NKAIN4: variants seen among roughly 807,000 people sequenced by gnomAD.
NKAIN4 encodes sodium/potassium-transporting ATPase subunit beta-1-interacting protein 4.
In NKAIN4, 28 loss-of-function variants were observed where a neutral mutation model predicts 28.8. The observed-to-expected ratio is 0.97, with a 90% CI of 0.72 to 1.33. The LOEUF (loss-of-function observed/expected upper bound fraction) is 1.33. Among genes scored for constraint, NKAIN4 ranks in the 40% most tolerant of loss-of-function variants. The pLI, the probability that NKAIN4 is intolerant of heterozygous loss-of-function variation, is 0.00. For missense variants in NKAIN4, 289 were observed against 277.2 expected, an observed-to-expected ratio of 1.04 and a Z score of -0.30; for synonymous variants, 122 against 115.6, an observed-to-expected ratio of 1.06 and a Z score of -0.36.
chr20:63,243,732 T>C, intron 5 of NKAIN4: 1 of 289,908 alleles, frequency 3.4e-6, no homozygotes, highest in Non-Finnish European at 6.5e-6. Flanking sequence ...GCTCAGACCT[T>C]CCTCCCGTGG....
At chr20:63,247,459 G>A in intron 4 of NKAIN4, 119 bp downstream of exon 4, 1 of 1,546,666 alleles carries the variant, frequency 6.5e-7, no homozygotes, top group Non-Finnish European at 8.7e-7. Flanking sequence ...GGATGAGGAA[G>A]GCAGAGACAC....
upstream of NKAIN4, chr20:63,254,676 G>GC (rs2067020666): frequency 2.7e-6 from 1 of 368,366 alleles, no homozygotes. Context: ...CCGGAGAGGG[G>GC]GACCGTTCTT....
intron 4 of NKAIN4, chr20:63,244,403 A>G: frequency 3.9e-6 from 2 of 511,668 alleles, no homozygotes; most frequent in Non-Finnish European, 7.7e-6. Flanking sequence ...GTGAGGACAC[A>G]GAAGCCCAGG....
In NKAIN4 at chr20:63,252,204, G is replaced by A. The variant is rs929266715; in HGVS notation, c.55-2132C>T. On this transcript the variant is annotated intron_variant, in intron 1 of 6. Coordinates refer to ENST00000370316, the MANE Select transcript of NKAIN4 (RefSeq NM_152864.4). This position sits in a 1 kb window ranked among gnomAD's most constrained non-coding sequence, Gnocchi z 4.6. ...AGGGCTCCATGACATGTGGCGACAT[G>A]CATGAGCAGGGAGGCTCATGCCACC... 1.2e-4 allele frequency among the ~76,000 whole-genome samples: 18 copies of A among 152,188 alleles called. No homozygotes were observed. Among genetic ancestry groups the A allele is most frequent in the African/African-American group, 4.1e-4 (17 of 41,450 alleles).
At chr20:63,253,231 C>G (rs2066992068) in intron 1 of NKAIN4, 1 of 985,390 alleles carries the variant, frequency 1.0e-6, no homozygotes, top group Admixed American at 6.1e-5. Flanking sequence ...AAGATACCAA[C>G]TGTTCCAAGG....
At chr20:63,246,439 T>A (rs1280606314) in intron 4 of NKAIN4, 41 of 927,698 alleles carry the variant, frequency 4.4e-5, no homozygotes, top group Non-Finnish European at 5.0e-5. Flanking sequence ...GGCCCCTTGC[T>A]ATGGGGCAGC....
rs191461960 is a variant in NKAIN4 at position 63,245,259 on chromosome 20, G to A, written c.472-1175C>T. Among the ~76,000 whole-genome samples, 53 of 152,272 alleles carry A rather than the reference G, an allele frequency of 3.5e-4. No individual in the cohort carries two copies. The highest frequency in any genetic ancestry group is 1.5e-3 in the East Asian group (8 of 5,170). ...CAAGCTCAAGAAGCTGTCCCAAATG[G>A]CCATTTCTGGTTCCATGCCACGGCC... On this transcript the variant is annotated intron_variant, in intron 4 of 6. Coordinates refer to ENST00000370316, the MANE Select transcript of NKAIN4 (RefSeq NM_152864.4). This position sits in a 1 kb window ranked among gnomAD's most constrained non-coding sequence, Gnocchi z 4.7.
At chr20:63,241,874 T>C (rs1054843859) in intron 6 of NKAIN4, 9 of 404,196 alleles carry the variant, frequency 2.2e-5, no homozygotes, top group African/African-American at 1.9e-4. Context: ...GCTGGGCTCC[T>C]GCTACCTTGA....
At position 63,252,521 on chromosome 20, in the gene NKAIN4, T is replaced by C. The variant is rs1156485323; in HGVS notation, c.54+1876A>G. ...CTTCCTCCCGGGCCCCCTACCCCCA[T>C]GCAGTGACTAGAGCTGTGGTCAAGG... On this transcript the variant is annotated intron_variant, in intron 1 of 6. Transcript: ENST00000370316. This position sits in a 1 kb window ranked among gnomAD's most constrained non-coding sequence, Gnocchi z 4.6. Among the ~76,000 whole-genome samples the C allele has an allele frequency of 2.0e-5, 3 of 151,714 alleles. No homozygotes were observed. Among genetic ancestry groups the C allele is most frequent in the Non-Finnish European group, 2.9e-5 (2 of 67,920 alleles).
chr20:63,242,703 CA>C, intron 5 of NKAIN4, 80 bp from the exon 6 acceptor site: 3 of 941,618 alleles, frequency 3.2e-6, no homozygotes, highest in Non-Finnish European at 4.7e-6. Context: ...CCCAACCAGA[CA>C]AAGAAGCCCA....
intron 4 of NKAIN4, chr20:63,247,250 C>A (rs1161550942): frequency 7.9e-7 from 1 of 1,265,904 alleles, no homozygotes; most frequent in Non-Finnish European, 1.0e-6. Flanking sequence ...TGCCCCTCCT[C>A]CTTGGGGCCG....
rs140682227 is a variant in NKAIN4, at chr20:63,253,566, G to A, written c.54+831C>T. On this transcript the variant is annotated intron_variant, in intron 1 of 6. Transcript: ENST00000370316. ...CAAAGCATCGTTTCCTTTTTAAGAC[G>A]GGAGACCCAGGGCCAATTAGCATCG... The A allele has an allele frequency of 1.5e-3, 1,398 of 952,664 alleles. 15 individuals carry two copies. In the African/African-American group the frequency reaches 0.023, roughly 16 times the overall value. 59.0% of individuals were successfully genotyped at this position (952,664 alleles called of 1,614,324 possible). A position where few individuals can be genotyped will look rare whatever the true frequency, so the allele number is the denominator to read the frequency against.
chr20:63,254,498 C>T (rs1601307749), upstream of NKAIN4: 1 of 1,248,022 alleles, frequency 8.0e-7, no homozygotes, highest in South Asian at 2.5e-5. Flanking sequence ...GCTCGGCCCC[C>T]GCCCCCGCTC....
chr20:63,243,758 T>G (rs1334377180), intron 5 of NKAIN4: 1 of 372,704 alleles, frequency 2.7e-6, no homozygotes, highest in Non-Finnish European at 4.9e-6. Context: ...GCGGGGATCA[T>G]GAGGGCAGGC....
At chr20:63,247,530 T>A (rs2066880915) in intron 4 of NKAIN4, 48 bp downstream of exon 4, 5 of 1,545,386 alleles carry the variant, frequency 3.2e-6, no homozygotes, top group Non-Finnish European at 4.4e-6. Context: ...CCATGTCCCC[T>A]CCCCCATCAA....
Position 63,245,414 on chromosome 20 carries a change from T to G in NKAIN4, c.472-1330A>C, listed in dbSNP as rs2066838146. Among the ~76,000 whole-genome samples the G allele has an allele frequency of 6.6e-6, 1 of 152,016 alleles. No individual in the cohort carries two copies. The highest frequency in any genetic ancestry group is 1.5e-5 in the Non-Finnish European group (1 of 68,004). On this transcript the variant is annotated intron_variant, in intron 4 of 6. Coordinates refer to ENST00000370316, the MANE Select transcript of NKAIN4 (RefSeq NM_152864.4). The surrounding 1 kb of genome is among the most constrained non-coding windows in gnomAD (Gnocchi z 4.7). The stretch of plus-strand genomic sequence containing the variant: ...ACAGGCAGCCGAGCTTGGGGAGCCA[T>G]TGGAAGATGCCCCTTCCAGCCGGTG...
intron 6 of NKAIN4, among the ~76,000 whole-genome samples, chr20:63,241,948 G>A (rs1198886230): frequency 1.3e-5 from 2 of 152,144 alleles, no homozygotes; most frequent in Non-Finnish European, 2.9e-5. Context: ...CCAGGGGCGT[G>A]CCATCAGGTG....
chr20:63,246,230 G>A (rs2066855158), intron 4 of NKAIN4, among the ~76,000 whole-genome samples: 1 of 152,172 alleles, frequency 6.6e-6, no homozygotes. Context: ...ACCCAGCCTA[G>A]CTTCTTTTCT....
rs537252584 is a variant in NKAIN4 at position 63,245,733 on chromosome 20, C to T, written c.472-1649G>A. Reference sequence around the variant, plus strand: ...GACCCTCCAAAGCAAACAGCAGGGGCGAGATCCTAGCGAGGACTAGCTGGC... The same window carrying T: ...GACCCTCCAAAGCAAACAGCAGGGGTGAGATCCTAGCGAGGACTAGCTGGC... On this transcript the variant is annotated intron_variant, in intron 4 of 6. Transcript: ENST00000370316. This position sits in a 1 kb window ranked among gnomAD's most constrained non-coding sequence, Gnocchi z 4.7. Among the ~76,000 whole-genome samples, 5 of 152,200 alleles carry T rather than the reference C, an allele frequency of 3.3e-5. No individual in the cohort carries two copies. Among genetic ancestry groups the T allele is most frequent in the South Asian group, 4.2e-4 (2 of 4,816 alleles).
Sources: gnomAD v4.1 joint callset for allele counts (sites outside exome capture counted in the v4.1 genomes callset) on GRCh38, gnomAD v4.1.1 for gene constraint, Gnocchi (gnomAD v3.1) non-coding constraint, MANE v1.5 for transcripts, NCBI Gene and HGNC (gene_info 2026-07-23, HGNC 2026-07-21) for gene names.